Variants in ARPC3 observed in about 807,000 individuals in gnomAD.
The protein encoded by ARPC3 is actin-related protein 2/3 complex subunit 3.
In ARPC3, 12 loss-of-function variants were observed where a neutral mutation model predicts 27.6. The ratio of observed to expected loss-of-function variants is 0.43; its 90% CI spans 0.28 to 0.70. ARPC3 has a LOEUF of 0.70. Ranked by LOEUF, ARPC3 falls within the 30% of genes least tolerant of loss-of-function variation. The probability of loss-of-function intolerance (pLI) is 0.17; values close to 1 mark genes in which losing one functional copy is unlikely to be tolerated. For missense variants in ARPC3, 153 were observed against 207.7 expected, an observed-to-expected ratio of 0.74 and a Z score of 1.62; for synonymous variants, 53 against 67.2, an observed-to-expected ratio of 0.79 and a Z score of 1.03.
intron 1 of ARPC3, among the ~76,000 whole-genome samples, chr12:110,447,886 C>CTTTTT (rs796202139): frequency 1.9e-5 from 2 of 107,164 alleles, no homozygotes; most frequent in Non-Finnish European, 3.8e-5. Context: ...ATTTAGAGTC[C>CTTTTT]TTTTTTTTTT....
chr12:110,441,933 A>G (rs1272151167), intron 2 of ARPC3, among the ~76,000 whole-genome samples: 1 of 151,548 alleles, frequency 6.6e-6, no homozygotes, highest in Non-Finnish European at 1.5e-5. Context: ...TCGGGAGGCT[A>G]AGGCAGGAGA....
At position 110,434,863 on chromosome 12, in the gene ARPC3, A is replaced by T; in HGVS notation, c.*292T>A. The T allele has an allele frequency of 3.5e-6, 2 of 568,118 alleles. No individual in the cohort carries two copies. Among genetic ancestry groups the T allele is most frequent in the Non-Finnish European group, 6.5e-6 (2 of 309,978 alleles). The allele number at this position is 568,118 out of a possible 1,614,324, so 35.2% of individuals were successfully genotyped here. ...GAATTTTATCTCAAAACAAATTGTA[A>T]GTGAATGTCAAAGACTGGCAATAAA... On this transcript the variant is annotated 3_prime_UTR_variant, in exon 7 of 7. Coordinates refer to ENST00000228825, the MANE Select transcript of ARPC3 (RefSeq NM_001278556.2).
At chr12:110,439,250 G>C (rs895494010) in intron 3 of ARPC3, among the ~76,000 whole-genome samples, 2 of 152,094 alleles carry the variant, frequency 1.3e-5, no homozygotes, top group Non-Finnish European at 2.9e-5. Context: ...CCTCCCAAGT[G>C]TTGGGATTAC....
intron 3 of ARPC3, 73 bp from the exon 4 acceptor site, chr12:110,437,225 C>A: frequency 9.8e-7 from 1 of 1,022,996 alleles, no homozygotes. Context: ...TGCATTCCAT[C>A]TTTGTCTTCT....
rs758021807 is a variant in ARPC3 at position 110,436,221 on chromosome 12, T to TA, written c.380-18dup. The TA allele has an allele frequency of 2.6e-5, 41 of 1,590,930 alleles. No homozygotes were observed. Among genetic ancestry groups the TA allele is most frequent in the Middle Eastern group, 1.7e-4 (1 of 6,046 alleles). On this transcript the variant is annotated splice_polypyrimidine_tract_variant and intron_variant, in intron 5 of 6. Transcript: ENST00000228825. Reference sequence around the variant, plus strand: ...TCATCACTTCTAAAACAGAACAATTTAAAAAAAACTGTATTTGCAAATACA... The same window carrying TA: ...TCATCACTTCTAAAACAGAACAATTTAAAAAAAAACTGTATTTGCAAATACA...
chr12:110,450,181 C>A, intron 1 of ARPC3, 74 bp downstream of exon 1: 1 of 1,601,942 alleles, frequency 6.2e-7, no homozygotes, highest in East Asian at 2.2e-5. Context: ...GCCCGCTTCT[C>A]TCGGCACACA....
chr12:110,443,490 T>C (rs1030922657), intron 2 of ARPC3, among the ~76,000 whole-genome samples: 2 of 152,036 alleles, frequency 1.3e-5, no homozygotes, highest in Non-Finnish European at 2.9e-5. Context: ...TGGAGTGCCA[T>C]GGCACAATCT....
intron 1 of ARPC3, among the ~76,000 whole-genome samples, chr12:110,447,437 G>A (rs1193647664): frequency 6.6e-6 from 1 of 152,170 alleles, no homozygotes; most frequent in Non-Finnish European, 1.5e-5. Flanking sequence ...ATACAAAGTA[G>A]TACGATTCTG....
At chr12:110,442,760 T>A (rs576608160) in intron 2 of ARPC3, 1 of 152,320 alleles carries the variant, frequency 6.6e-6, no homozygotes, top group South Asian at 2.1e-4. Flanking sequence ...TTATGAAAAC[T>A]ATGACTTAAA....
At position 110,436,687 on chromosome 12, in the gene ARPC3, G is replaced by GAAAA. The variant is rs59861890; in HGVS notation, c.253-8_253-5dup. 7.0e-3 allele frequency: 5,656 copies of GAAAA among 805,402 alleles called. 270 individuals carry two copies. The African/African-American group carries it at 0.096, about 14-fold the overall frequency. The allele number at this position is 805,402 out of a possible 1,614,324, so 49.9% of individuals were successfully genotyped here. The stretch of plus-strand genomic sequence containing the variant: ...CACCTTGGCTTTTGGAATTGCACTG[G>GAAAA]AAAAAAAAATATATATATATATATA... On this transcript the variant is annotated splice_region_variant and splice_polypyrimidine_tract_variant and intron_variant, in intron 4 of 6. Transcript: ENST00000228825.
At chr12:110,446,771 G>A (rs960075293) in intron 1 of ARPC3, among the ~76,000 whole-genome samples, 4 of 151,814 alleles carry the variant, frequency 2.6e-5, no homozygotes, top group Admixed American at 2.6e-4. Flanking sequence ...ACCACGCCCA[G>A]CTAATTTTTG....
At position 110,436,598 on chromosome 12, in the gene ARPC3, A is replaced by C; in HGVS notation, c.338T>G (p.Leu113Arg). 6.2e-7 allele frequency: 1 copy of C among 1,613,490 alleles called. No homozygotes were observed. Residue 113 changes from leucine (L) to arginine (R), a missense_variant, in exon 5 of 7, where the codon CTT becomes CGT. Coordinates refer to ENST00000228825, the MANE Select transcript of ARPC3 (RefSeq NM_001278556.2). ...FPIPGEPGFP[L>R]NAIYAKPANK... is the part of the protein sequence containing the mutation. ...TGCAGGTTTGGCATAAATTGCGTTA[A>C]GTGGAAAACCAGGCTCTCCAGGAAT...
chr12:110,446,543 C>T (rs1241174511), intron 1 of ARPC3, among the ~76,000 whole-genome samples: 3 of 151,258 alleles, frequency 2.0e-5, no homozygotes, highest in African/African-American at 7.3e-5. Context: ...GTGATCTGCC[C>T]GCCTTGCCCT....
At chr12:110,438,507 G>C (rs1226787526) in intron 3 of ARPC3, among the ~76,000 whole-genome samples, 3 of 150,578 alleles carry the variant, frequency 2.0e-5, no homozygotes, top group Non-Finnish European at 4.4e-5. Context: ...GCTGAGGCAG[G>C]AGAACCACTT....
intron 4 of ARPC3, 107 bp downstream of exon 4, chr12:110,436,977 A>G (rs2062409788): frequency 1.2e-6 from 1 of 864,454 alleles, no homozygotes; most frequent in Non-Finnish European, 1.9e-6. Flanking sequence ...GTCAGAGGAA[A>G]TATTTTCTAC....
intron 3 of ARPC3, among the ~76,000 whole-genome samples, chr12:110,438,657 T>A (rs147356273): frequency 0.12 from 18,792 of 150,926 alleles, 1,566 homozygotes; most frequent in African/African-American, 0.24. Context: ...ATATATTTTT[T>A]TTTTTTTGAG....
rs757646513 is a variant in ARPC3 at position 110,437,127 on chromosome 12, T to C, written c.209A>G (p.Tyr70Cys). ...IKNEADRTLI[Y>C]ITLYISECLK... Reference sequence around the variant, plus strand: ...ACATTCAGAAATGTAGAGAGTTATATATATCAAGGTCCTATCAGCTTCATT... The same window carrying C: ...ACATTCAGAAATGTAGAGAGTTATACATATCAAGGTCCTATCAGCTTCATT... The change falls in exon 4 of 7, where the codon TAT becomes TGT. Residue 70 changes from tyrosine (Y) to cysteine (C), a missense_variant. Transcript: ENST00000228825. The C allele has an allele frequency of 1.2e-6, 2 of 1,601,642 alleles. No homozygotes were observed. Among genetic ancestry groups the C allele is most frequent in the Non-Finnish European group, 1.7e-6 (2 of 1,169,586 alleles).
At chr12:110,442,424 A>G (rs1338599060) in intron 2 of ARPC3, among the ~76,000 whole-genome samples, 4 of 152,086 alleles carry the variant, frequency 2.6e-5, no homozygotes, top group East Asian at 1.9e-4. Context: ...CCTGGCCAAC[A>G]TGGAGAAACC....
chr12:110,435,083 G>T lies in ARPC3; in HGVS notation c.*72C>A. ...CTGTATAAAACTTTACGAAATAAAG[G>T]CAAAAGATTGTGTACATCTTGCTGG... On this transcript the variant is annotated 3_prime_UTR_variant, in exon 7 of 7. Transcript: ENST00000228825. The T allele has an allele frequency of 2.5e-6, 3 of 1,183,714 alleles. No homozygotes were observed. The highest frequency in any genetic ancestry group is 1.2e-5 in the South Asian group (1 of 81,910). The allele number at this position is 1,183,714 out of a possible 1,614,324, so 73.3% of individuals were successfully genotyped here.
Sources: gnomAD v4.1 joint callset for allele counts (sites outside exome capture counted in the v4.1 genomes callset) on GRCh38, gnomAD v4.1.1 for gene constraint, MANE v1.5 for transcripts, NCBI Gene and HGNC (gene_info 2026-07-23, HGNC 2026-07-21) for gene names.